The following GXYLT2 variants were observed in gnomAD, a reference collection of about 807,000 sequenced individuals.
The protein encoded by GXYLT2 is glucoside xylosyltransferase 2, also known as glycosyltransferase 8 domain containing 4.
Under a neutral mutation model 45.8 loss-of-function variants are expected in GXYLT2, and 53 were observed. The observed-to-expected ratio is 1.16, with a 90% CI of 0.93 to 1.46. The LOEUF (loss-of-function observed/expected upper bound fraction) is 1.46, where lower values mean the gene tolerates loss of function less well. Ranked by LOEUF, GXYLT2 falls within the 40% of genes most tolerant of loss-of-function variation. GXYLT2 has a pLI of 0.00. For synonymous variants in GXYLT2, 219 were observed against 214.2 expected, an observed-to-expected ratio of 1.02 and a Z score of -0.19; for missense variants, 551 against 544.4, an observed-to-expected ratio of 1.01 and a Z score of -0.12.
In GXYLT2 at chr3:72,954,637, AAAATAAAT is replaced by A. The variant is rs3078689; in HGVS notation, c.601-427_601-420del. Among the ~76,000 whole-genome samples the A allele has an allele frequency of 6.5e-3, 884 of 136,000 alleles. 6 individuals carry two copies. Among genetic ancestry groups the A allele is most frequent in the African/African-American group, 0.02 (722 of 36,682 alleles). The allele number at this position is 136,000 out of a possible 152,430, so 89.2% of individuals were successfully genotyped here. A position where few individuals can be genotyped will look rare whatever the true frequency, so the allele number is the denominator to read the frequency against. ...GGCGACAGAGTGAGACTCCATCTCA[AAAATAAAT>A]AAATAAATAAATAAATAAATAAATA... is the stretch of plus-strand genomic sequence containing the variant. On this transcript the variant is annotated intron_variant, in intron 3 of 6. Transcript: ENST00000389617.
chr3:72,909,525 TG>T (rs1276161601), intron 2 of GXYLT2, among the ~76,000 whole-genome samples: 1 of 152,208 alleles, frequency 6.6e-6, no homozygotes, highest in Non-Finnish European at 1.5e-5. Context: ...ACTTGCTTTT[TG>T]CATTGAAAAC....
intron 5 of GXYLT2, among the ~76,000 whole-genome samples, chr3:72,961,514 G>A (rs988856196): frequency 2.0e-5 from 3 of 152,014 alleles, no homozygotes; most frequent in African/African-American, 4.8e-5. Flanking sequence ...TTCTCTCCGT[G>A]CCAGTCTGAT....
chr3:72,914,643 T>C (rs1709701582), intron 2 of GXYLT2, among the ~76,000 whole-genome samples: 1 of 151,966 alleles, frequency 6.6e-6, no homozygotes, highest in South Asian at 2.1e-4. Flanking sequence ...ATGGGAAGAA[T>C]TGTCATCAGG....
At position 72,955,263 on chromosome 3, in the gene GXYLT2, G is replaced by T; in HGVS notation, c.766G>T (p.Ala256Ser). 1.2e-6 allele frequency: 2 copies of T among 1,614,018 alleles called. No individual in the cohort carries two copies. Among genetic ancestry groups the T allele is most frequent in the Non-Finnish European group, 1.7e-6 (2 of 1,179,892 alleles). ...CAAGATTGGCTGGTACAGCCGCTTT[G>T]CTAGGCATCCTTTCTATGGCTCTGC... ...IPKIGWYSRFARHPFYGSAGV... is the reference protein window; with the variant it reads ...IPKIGWYSRFSRHPFYGSAGV... Residue 256 changes from alanine to serine, a missense_variant, in exon 4 of 7, where the codon GCT becomes TCT. Transcript: ENST00000389617.
chr3:72,921,630 G>C (rs1709834599), intron 2 of GXYLT2, among the ~76,000 whole-genome samples: 1 of 151,754 alleles, frequency 6.6e-6, no homozygotes, highest in African/African-American at 2.4e-5. Context: ...GGGTTTTGCT[G>C]TGTGGCCAGG....
At chr3:72,899,174 T>C (rs114808197) in intron 1 of GXYLT2, among the ~76,000 whole-genome samples, 1,832 of 152,332 alleles carry the variant, frequency 0.012, 30 homozygotes, top group African/African-American at 0.041. Flanking sequence ...ATGTGCACGA[T>C]GATGTCTAAA....
intron 5 of GXYLT2, among the ~76,000 whole-genome samples, chr3:72,963,810 T>C (rs1710812341): frequency 1.3e-5 from 2 of 151,738 alleles, no homozygotes; most frequent in African/African-American, 4.8e-5. Context: ...GTAGCTGCAA[T>C]TACAGTCATG....
Position 72,955,187 on chromosome 3 carries a change from G to A in GXYLT2, c.690G>A (p.Arg230=), listed in dbSNP as rs1321710754. The A allele has an allele frequency of 6.2e-7, 1 of 1,613,988 alleles. No homozygotes were observed. The highest frequency in any genetic ancestry group is 1.1e-5 in the South Asian group (1 of 91,080). Residue 230 remains arginine (R), a synonymous_variant, in exon 4 of 7, where the codon AGG becomes AGA. Transcript: ENST00000389617. ...RPVDDIWKLL[R]LFNSTQLAAM... ...TTGATGACATCTGGAAGCTTCTGAG[G>A]CTGTTTAATTCCACCCAGCTTGCAG... is the stretch of plus-strand genomic sequence containing the variant.
chr3:72,946,243 C>G (rs1239806504), intron 3 of GXYLT2, among the ~76,000 whole-genome samples: 1 of 133,890 alleles, frequency 7.5e-6, no homozygotes, highest in African/African-American at 2.8e-5. Flanking sequence ...TGACACTGCA[C>G]TCCAGCCTGG....
chr3:72,947,812 A>AG (rs1320278719), intron 3 of GXYLT2, among the ~76,000 whole-genome samples: 1 of 152,164 alleles, frequency 6.6e-6, no homozygotes, highest in Non-Finnish European at 1.5e-5. Context: ...CTAAAAAAAA[A>AG]GAAAGAAATG....
chr3:72,901,554 CTTTT>C (rs71124002), intron 1 of GXYLT2, among the ~76,000 whole-genome samples: 248 of 77,128 alleles, frequency 3.2e-3, no homozygotes, highest in African/African-American at 0.014. Flanking sequence ...AACATTTTCG[CTTTT>C]TTTTTTTTTT....
chr3:72,892,145 C>T (rs550698978), intron 1 of GXYLT2, among the ~76,000 whole-genome samples: 1 of 152,098 alleles, frequency 6.6e-6, no homozygotes, highest in African/African-American at 2.4e-5. Context: ...CAAGTTAATC[C>T]AAAAGTTGTC....
chr3:72,953,878 C>T (rs1454816042), intron 3 of GXYLT2, among the ~76,000 whole-genome samples: 3 of 152,122 alleles, frequency 2.0e-5, no homozygotes, highest in Non-Finnish European at 2.9e-5. Context: ...AGGATCACTT[C>T]AGTCCAGGAG....
At chr3:72,922,710 C>A (rs1709852431) in intron 3 of GXYLT2, among the ~76,000 whole-genome samples, 1 of 152,198 alleles carries the variant, frequency 6.6e-6, no homozygotes. Context: ...TTTCTCTTAT[C>A]ACAATAACAA....
intron 6 of GXYLT2, among the ~76,000 whole-genome samples, chr3:72,968,033 G>T (rs1398416128): frequency 1.3e-5 from 2 of 152,132 alleles, no homozygotes; most frequent in Non-Finnish European, 2.9e-5. Flanking sequence ...GAGTGCAGTG[G>T]TGGGATCTTG....
At chr3:72,889,433 T>G (rs989524258) in intron 1 of GXYLT2, among the ~76,000 whole-genome samples, 16 of 152,280 alleles carry the variant, frequency 1.1e-4, no homozygotes, top group African/African-American at 2.9e-4. Flanking sequence ...AATGACTAAA[T>G]CTCTTTGGTG....
intron 1 of GXYLT2, among the ~76,000 whole-genome samples, chr3:72,893,471 C>T (rs1709222233): frequency 6.6e-6 from 1 of 152,176 alleles, no homozygotes; most frequent in Non-Finnish European, 1.5e-5. Context: ...TTCTTCCTTA[C>T]CCTGTGTAGT....
intron 3 of GXYLT2, among the ~76,000 whole-genome samples, chr3:72,940,326 T>G (rs1710276149): frequency 6.6e-6 from 1 of 152,196 alleles, no homozygotes; most frequent in Admixed American, 6.5e-5. Context: ...CTCATGGAGC[T>G]TATATCCAAG....
At chr3:72,950,268 C>T (rs1710496868) in intron 3 of GXYLT2, among the ~76,000 whole-genome samples, 1 of 152,078 alleles carries the variant, frequency 6.6e-6, no homozygotes, top group Non-Finnish European at 1.5e-5. Flanking sequence ...CAAGACCAGC[C>T]TGGCCAACAT....
Sources: allele counts gnomAD v4.1 joint callset (sites outside exome capture counted in the v4.1 genomes callset), GRCh38; gene constraint gnomAD v4.1.1; transcripts MANE v1.5; gene names NCBI Gene and HGNC (gene_info 2026-07-23, HGNC 2026-07-21).